Variants in ERBB4 observed in about 807,000 individuals in gnomAD.
ERBB4 encodes receptor tyrosine-protein kinase erbB-4.
ERBB4 carries 42 observed loss-of-function variants against 158.0 expected under a neutral mutation model. The observed-to-expected ratio is 0.27, with a 90% CI of 0.21 to 0.34. The LOEUF is 0.34. Ranked by LOEUF, ERBB4 falls within the 10% of genes least tolerant of loss-of-function variation. The pLI is 1.00. For synonymous variants in ERBB4, 583 were observed against 558.7 expected (o/e 1.04, Z -0.61); for missense variants, 1,333 against 1,624.1 (o/e 0.82, Z 3.08).
chr2:212,169,787 A>G (rs2081458328), intron 1 of ERBB4, among the ~76,000 whole-genome samples: 1 of 152,136 alleles, frequency 6.6e-6, no homozygotes, highest in South Asian at 2.1e-4. Context: ...CTGATGATTT[A>G]TCAAGAGTTT....
At chr2:212,406,820 T>C (rs1303514746) in intron 1 of ERBB4, among the ~76,000 whole-genome samples, 2 of 152,068 alleles carry the variant, frequency 1.3e-5, no homozygotes, top group Non-Finnish European at 2.9e-5. Flanking sequence ...CCAAACCCCT[T>C]AGTACAAGAT....
Position 212,538,626 on chromosome 2 carries a change from G to A in ERBB4, c.-96C>T. 1 of 1,321,700 alleles carries A rather than the reference G, an allele frequency of 7.6e-7. No homozygotes were observed. The highest frequency in any genetic ancestry group is 1.1e-6 in the Non-Finnish European group (1 of 921,968). 81.9% of individuals were successfully genotyped at this position (1,321,700 alleles called of 1,614,324 possible). A position where few individuals can be genotyped will look rare whatever the true frequency, so the allele number is the denominator to read the frequency against. On this transcript the variant is annotated 5_prime_UTR_variant, in exon 1 of 28. In the 5' UTR this introduces an upstream ATG that the reference lacks. Transcript: ENST00000342788. ...GAGGAGATCCCCCAGCCGGGCGCGC[G>A]TGGGGGTGCGAGGGGGGCGGGCGCG...
At chr2:212,533,226 T>G (rs1282805137) in intron 1 of ERBB4, among the ~76,000 whole-genome samples, 1 of 152,236 alleles carries the variant, frequency 6.6e-6, no homozygotes, top group African/African-American at 2.4e-5. Flanking sequence ...AAGTTTACAT[T>G]ATGTTTCTTA....
chr2:211,819,439 C>T (rs2076945418), intron 3 of ERBB4, among the ~76,000 whole-genome samples: 1 of 151,914 alleles, frequency 6.6e-6, no homozygotes, highest in Admixed American at 6.6e-5. Flanking sequence ...ATAGTAAAAG[C>T]TTTAGTCTGA....
intron 1 of ERBB4, among the ~76,000 whole-genome samples, chr2:212,458,437 T>C (rs908291301): frequency 2.6e-5 from 4 of 152,078 alleles, no homozygotes; most frequent in African/African-American, 4.8e-5. Context: ...TATCATTTGT[T>C]AAAGAAAACT....
intron 1 of ERBB4, among the ~76,000 whole-genome samples, chr2:212,519,826 T>C (rs528259222): frequency 1.3e-4 from 19 of 151,944 alleles, no homozygotes; most frequent in Non-Finnish European, 2.5e-4. Flanking sequence ...TATAGCTAGA[T>C]AGGAATAAAG....
intron 1 of ERBB4, among the ~76,000 whole-genome samples, chr2:212,403,579 G>A (rs926430966): frequency 6.6e-6 from 1 of 152,020 alleles, no homozygotes; most frequent in Non-Finnish European, 1.5e-5. Context: ...CCTGCAATAT[G>A]TGACAAGAAT....
chr2:211,681,877 A>G (rs571408135), intron 12 of ERBB4, among the ~76,000 whole-genome samples: 60 of 152,056 alleles, frequency 3.9e-4, no homozygotes, highest in Middle Eastern at 6.8e-3. Context: ...CATCATATCT[A>G]AAAAGTTTTT....
rs538754051 is a variant in ERBB4, at chr2:212,041,727, A to C, written c.234+83025T>G. Among the ~76,000 whole-genome samples the C allele has an allele frequency of 2.6e-5, 4 of 152,196 alleles. No individual in the cohort carries two copies. The East Asian group carries it at 7.7e-4, about 29-fold the overall frequency. On this transcript the variant is annotated intron_variant, in intron 2 of 27. Coordinates refer to ENST00000342788, the MANE Select transcript of ERBB4 (RefSeq NM_005235.3). ...ATATAGAATATCCTATTCTCTGCAA[A>C]AGCTCAAAGACGTCTCTGGAGTGTC...
At chr2:212,475,328 G>C (rs995776715) in intron 1 of ERBB4, among the ~76,000 whole-genome samples, 17 of 152,096 alleles carry the variant, frequency 1.1e-4, no homozygotes, top group Admixed American at 8.5e-4. Context: ...TCTTGCACGA[G>C]GCCCTGCAAA....
chr2:211,439,764 AT>A (rs938833248), intron 20 of ERBB4, among the ~76,000 whole-genome samples: 1 of 152,200 alleles, frequency 6.6e-6, no homozygotes, highest in African/African-American at 2.4e-5. Flanking sequence ...TCACTGACAA[AT>A]TAATAAATGC....
intron 1 of ERBB4, among the ~76,000 whole-genome samples, chr2:212,170,697 C>T (rs1372952765): frequency 6.6e-6 from 1 of 152,120 alleles, no homozygotes; most frequent in African/African-American, 2.4e-5. Flanking sequence ...ATACTCAGGC[C>T]ATTGCTTGGT....
chr2:211,422,036 G>C lies in ERBB4; in HGVS notation c.2935C>G (p.Arg979Gly), dbSNP rs574197848. The C allele has an allele frequency of 5.6e-6, 9 of 1,611,506 alleles. No homozygotes were observed. The East Asian group carries it at 2.0e-4, about 36-fold the overall frequency. Residue 979 changes from arginine to glycine, a missense_variant, in exon 24 of 28, where the codon CGA becomes GGA. By Grantham distance (125) the Arg-to-Gly change is moderately radical. Transcript: ENST00000342788. ...ELAAEFSRMA[R>G]DPQRYLVIQG... Reference sequence around the variant, plus strand: ...ATAACTAGGTATCTTTGAGGGTCTCGAGCCATCCTTGAAAACTCAGCAGCC... The same window carrying C: ...ATAACTAGGTATCTTTGAGGGTCTCCAGCCATCCTTGAAAACTCAGCAGCC...
At chr2:212,169,084 C>A (rs1455674198) in intron 1 of ERBB4, among the ~76,000 whole-genome samples, 1 of 152,082 alleles carries the variant, frequency 6.6e-6, no homozygotes, top group Non-Finnish European at 1.5e-5. Flanking sequence ...ATATGCAAAT[C>A]ATTGCTTTCA....
intron 25 of ERBB4, among the ~76,000 whole-genome samples, chr2:211,415,668 T>A (rs944458271): frequency 3.3e-5 from 5 of 152,172 alleles, no homozygotes; most frequent in Non-Finnish European, 7.4e-5. Flanking sequence ...TGAAATCTAA[T>A]CTGAGAGCAA....
intron 4 of ERBB4, among the ~76,000 whole-genome samples, chr2:211,766,530 C>T (rs1176638488): frequency 2.0e-5 from 3 of 152,180 alleles, no homozygotes; most frequent in African/African-American, 7.2e-5. Flanking sequence ...CTTCCTTTTG[C>T]TTTCTAGTTT....
intron 20 of ERBB4, among the ~76,000 whole-genome samples, chr2:211,449,891 C>T (rs906820418): frequency 2.6e-5 from 4 of 152,138 alleles, no homozygotes; most frequent in Non-Finnish European, 5.9e-5. Flanking sequence ...TGAGAATCTA[C>T]TATATCTAGG....
chr2:212,501,339 G>C (rs1261710670), intron 1 of ERBB4, among the ~76,000 whole-genome samples: 1 of 152,136 alleles, frequency 6.6e-6, no homozygotes, highest in African/African-American at 2.4e-5. Context: ...CTTGTGAAAT[G>C]TATAACAGAA....
At chr2:212,339,271 T>C (rs2088592448) in intron 1 of ERBB4, among the ~76,000 whole-genome samples, 2 of 152,212 alleles carry the variant, frequency 1.3e-5, no homozygotes, top group Admixed American at 1.3e-4. Flanking sequence ...GTGTTTGGCT[T>C]TCTGTTCCTG....
Sources: gnomAD v4.1 joint callset for allele counts (sites outside exome capture counted in the v4.1 genomes callset) on GRCh38, gnomAD v4.1.1 for gene constraint, MANE v1.5 for transcripts, NCBI Gene and HGNC (gene_info 2026-07-23, HGNC 2026-07-21) for gene names.